The following CCDC148 variants were observed in gnomAD, a reference collection of about 807,000 sequenced individuals.
The protein encoded by CCDC148 is coiled-coil domain containing 148.
Under a neutral mutation model 85.7 loss-of-function variants are expected in CCDC148, and 89 were observed. That is an observed-to-expected ratio of 1.04 (90% CI 0.87 to 1.24). The LOEUF (loss-of-function observed/expected upper bound fraction) is 1.24, where lower values mean the gene tolerates loss of function less well. Among genes scored for constraint, CCDC148 ranks in the 50% most tolerant of loss-of-function variants. The pLI, the probability that CCDC148 is intolerant of heterozygous loss-of-function variation, is 0.00. For synonymous variants in CCDC148, 230 were observed against 213.9 expected (o/e 1.08, Z -0.66); for missense variants, 692 against 671.7 (o/e 1.03, Z -0.33).
At chr2:158,397,125 A>G (rs922692340) in intron 1 of CCDC148, among the ~76,000 whole-genome samples, 1 of 152,202 alleles carries the variant, frequency 6.6e-6, no homozygotes, top group South Asian at 2.1e-4. Context: ...GCTCAGGTGA[A>G]GAAGGCAAGA....
At chr2:158,347,036 T>C (rs1324992508) in intron 2 of CCDC148, among the ~76,000 whole-genome samples, 2 of 152,182 alleles carry the variant, frequency 1.3e-5, no homozygotes, top group African/African-American at 4.8e-5. Flanking sequence ...CAGAAAAACA[T>C]TCAGCAGTCT....
intron 1 of CCDC148, among the ~76,000 whole-genome samples, chr2:158,436,646 T>A (rs1355940240): frequency 6.9e-6 from 1 of 144,922 alleles, no homozygotes; most frequent in Non-Finnish European, 1.5e-5. Flanking sequence ...CGGAAGGAGA[T>A]AGAGACATGA....
intron 9 of CCDC148, among the ~76,000 whole-genome samples, chr2:158,273,369 CATATTTATATTTGTGTAAAA>C (rs1689783603): frequency 6.6e-6 from 1 of 152,158 alleles, no homozygotes; most frequent in Non-Finnish European, 1.5e-5. Context: ...CACATGAAAT[CATATTTATATTTGTGTAAAA>C]ATGTTATTGC....
intron 1 of CCDC148, among the ~76,000 whole-genome samples, chr2:158,412,559 G>A (rs1402959808): frequency 6.6e-6 from 1 of 152,024 alleles, no homozygotes; most frequent in Admixed American, 6.6e-5. Flanking sequence ...GGAATTTTTT[G>A]AAAGAAATAT....
At chr2:158,348,626 T>C (rs1683112597) in intron 2 of CCDC148, among the ~76,000 whole-genome samples, 1 of 152,024 alleles carries the variant, frequency 6.6e-6, no homozygotes, top group African/African-American at 2.4e-5. Flanking sequence ...AAATATATGT[T>C]GAAATATTTA....
At chr2:158,387,315 TCTATG>T (rs1559113573) in intron 1 of CCDC148, among the ~76,000 whole-genome samples, 2 of 125,652 alleles carry the variant, frequency 1.6e-5, no homozygotes, top group Non-Finnish European at 3.5e-5. Context: ...TATATCTATA[TCTATG>T]AATATACACT....
chr2:158,250,950 C>T (rs1370504722), intron 9 of CCDC148, 38 bp from the exon 10 acceptor site: 1 of 1,565,064 alleles, frequency 6.4e-7, no homozygotes. Flanking sequence ...AGTAACTATG[C>T]ACACTGAAGT....
chr2:158,414,630 G>A (rs1244387233), intron 1 of CCDC148, among the ~76,000 whole-genome samples: 1 of 152,110 alleles, frequency 6.6e-6, no homozygotes, highest in Non-Finnish European at 1.5e-5. Context: ...GCTTTCTGGA[G>A]ATCATCTCAT....
intron 2 of CCDC148, among the ~76,000 whole-genome samples, chr2:158,357,463 A>G (rs933456635): frequency 6.6e-6 from 1 of 152,162 alleles, no homozygotes; most frequent in African/African-American, 2.4e-5. Context: ...TGAGAAAAAT[A>G]AAATATGTAT....
rs34363253 is a variant in CCDC148, at chr2:158,313,790, T to C, written c.869A>G (p.Gln290Arg). The change falls in exon 8 of 14, where the codon CAA (glutamine) becomes CGA (arginine). Residue 290 changes from glutamine (Q) to arginine (R), a missense_variant. Gln to Arg is a conservative substitution (Grantham distance 43, BLOSUM62 1). Transcript: ENST00000283233. Reference protein sequence around the residue: ...GRRTLYLDMLQRYFPHKSRHD... With the variant: ...GRRTLYLDMLRRYFPHKSRHD... ...CCTAGATTTGTGAGGAAAATATCTT[T>C]GTAACATGTCCAGATACAGAGTCCT... is the stretch of plus-strand genomic sequence containing the variant. 1,267 of 1,613,972 alleles carry C rather than the reference T, an allele frequency of 7.9e-4. No individual in the cohort carries two copies. The highest frequency in any genetic ancestry group is 1.0e-3 in the Non-Finnish European group (1,214 of 1,179,932).
intron 13 of CCDC148, among the ~76,000 whole-genome samples, chr2:158,173,942 G>A (rs759117330): frequency 3.3e-4 from 50 of 151,642 alleles, no homozygotes; most frequent in African/African-American, 6.5e-4. Context: ...CCCCTCTACC[G>A]GAACTTCCAT....
In CCDC148 at chr2:158,176,584, T is replaced by G. The variant is rs1271764557; in HGVS notation, c.1566A>C (p.Glu522Asp). The G allele has an allele frequency of 2.5e-6, 4 of 1,612,130 alleles. No individual in the cohort carries two copies. The African/African-American group carries it at 5.3e-5, about 22-fold the overall frequency. ...TMASKARMGI[E>D]IEEEFILQKP... ...TTTGAAGAATAAATTCTTCTTCAATTTCAATGCCCATTCTAGCTTTTGATG... is the reference window on the plus strand; with the variant it reads ...TTTGAAGAATAAATTCTTCTTCAATGTCAATGCCCATTCTAGCTTTTGATG... The change falls in exon 13 of 14, where the codon GAA becomes GAC. Residue 522 changes from glutamate to aspartate, a missense_variant. Physicochemically the swap from Glu to Asp is conservative, Grantham distance 45. Transcript: ENST00000283233.
At chr2:158,303,232 AAT>A (rs1295740841) in intron 9 of CCDC148, among the ~76,000 whole-genome samples, 1 of 152,246 alleles carries the variant, frequency 6.6e-6, no homozygotes, top group African/African-American at 2.4e-5. Context: ...AGAAAGGTCA[AAT>A]TTATGATACA....
At position 158,185,785 on chromosome 2, in the gene CCDC148, C is replaced by A. The variant is rs908658390; in HGVS notation, c.1371-6789G>T. ...CTGACCTTCTGTAATCCTTTTATATCTTTACATATCTTCAACATTTTCCTC... is the reference window on the plus strand; with the variant it reads ...CTGACCTTCTGTAATCCTTTTATATATTTACATATCTTCAACATTTTCCTC... On this transcript the variant is annotated intron_variant, in intron 11 of 13. Coordinates refer to ENST00000283233, the MANE Select transcript of CCDC148 (RefSeq NM_138803.4). 4.6e-5 allele frequency among the ~76,000 whole-genome samples: 7 copies of A among 152,108 alleles called. No homozygotes were observed. In the East Asian group the frequency reaches 1.3e-3, roughly 29 times the overall value.
intron 1 of CCDC148, among the ~76,000 whole-genome samples, chr2:158,374,687 A>ATG (rs1684585575): frequency 7.5e-6 from 1 of 133,430 alleles, no homozygotes; most frequent in South Asian, 2.3e-4. Flanking sequence ...ATACATATAT[A>ATG]TGTGTATATA....
intron 1 of CCDC148, among the ~76,000 whole-genome samples, chr2:158,390,373 AC>A (rs1037950344): frequency 5.9e-5 from 9 of 152,174 alleles, no homozygotes; most frequent in African/African-American, 2.2e-4. Flanking sequence ...AGTGAGAAAG[AC>A]TGGGCCAAGA....
chr2:158,267,218 C>CT (rs955060102), intron 9 of CCDC148, among the ~76,000 whole-genome samples: 1 of 151,876 alleles, frequency 6.6e-6, no homozygotes, highest in African/African-American at 2.4e-5. Flanking sequence ...ACTCGCCGTG[C>CT]TTTTTTGCAG....
chr2:158,428,316 C>T (rs1687169645), intron 1 of CCDC148, among the ~76,000 whole-genome samples: 1 of 151,966 alleles, frequency 6.6e-6, no homozygotes, highest in South Asian at 2.1e-4. Context: ...GTGGTAGGGT[C>T]AGGGATTGCA....
At chr2:158,200,497 T>C (rs1188640732) in intron 11 of CCDC148, among the ~76,000 whole-genome samples, 3 of 152,192 alleles carry the variant, frequency 2.0e-5, no homozygotes, top group African/African-American at 7.2e-5. Context: ...TGCTTACATA[T>C]TGACAGAGCT....
Sources: gnomAD v4.1 joint callset for allele counts (sites outside exome capture counted in the v4.1 genomes callset) on GRCh38, gnomAD v4.1.1 for gene constraint, MANE v1.5 for transcripts, NCBI Gene and HGNC (gene_info 2026-07-23, HGNC 2026-07-21) for gene names.